Variants in MAPK10 observed in about 807,000 individuals in gnomAD.
MAPK10 encodes the protein JNK3 alpha protein kinase.
In MAPK10, 25 loss-of-function variants were observed where a neutral mutation model predicts 59.3. The observed-to-expected ratio is 0.42, with a 90% CI of 0.31 to 0.59. The LOEUF (loss-of-function observed/expected upper bound fraction) is 0.59, where lower values mean the gene tolerates loss of function less well. Among genes scored for constraint, MAPK10 ranks in the 20% least tolerant of loss-of-function variants. MAPK10 has a pLI of 0.15. For missense variants in MAPK10, 351 were observed against 568.9 expected, an observed-to-expected ratio of 0.62 and a Z score of 3.90; for synonymous variants, 190 against 200.5, an observed-to-expected ratio of 0.95 and a Z score of 0.44.
intron 4 of MAPK10, among the ~76,000 whole-genome samples, chr4:86,135,119 G>A (rs1051707262): frequency 2.0e-5 from 3 of 152,192 alleles, no homozygotes; most frequent in Admixed American, 6.5e-5. Flanking sequence ...AGGGGCGCCC[G>A]CCATTGCCCA....
At chr4:86,081,684 TTTA>T (rs1457048151) in intron 9 of MAPK10, 2 of 152,038 alleles carry the variant, frequency 1.3e-5, no homozygotes, top group Admixed American at 1.3e-4. Context: ...TGGTAACAAA[TTTA>T]AAAATAAATA....
Position 86,359,734 on chromosome 4 carries a change from C to T in MAPK10, c.-198G>A, listed in dbSNP as rs1486272745. On this transcript the variant is annotated 5_prime_UTR_variant, in exon 1 of 14. The change creates a premature stop within an existing upstream ORF in the 5' untranslated region. Coordinates refer to ENST00000641462, the MANE Select transcript of MAPK10 (RefSeq NM_138982.4). The stretch of plus-strand genomic sequence containing the variant: ...ATCCTCCCTACTTGTTTTTCATTAA[C>T]CACATTCCAGACTAACATGGAAGAG... 1 of 985,626 alleles carries T rather than the reference C, an allele frequency of 1.0e-6. No homozygotes were observed. The highest frequency in any genetic ancestry group is 1.7e-5 in the African/African-American group (1 of 57,184). 61.1% of individuals were successfully genotyped at this position (985,626 alleles called of 1,614,324 possible).
At chr4:86,402,031 C>G (rs942063371) in intron 1 of MAPK10, among the ~76,000 whole-genome samples, 1 of 152,150 alleles carries the variant, frequency 6.6e-6, no homozygotes, top group Non-Finnish European at 1.5e-5. Context: ...ATAGTAATTA[C>G]TTCCATATGA....
chr4:86,333,670 C>T (rs1006983716), intron 2 of MAPK10, among the ~76,000 whole-genome samples: 1 of 152,216 alleles, frequency 6.6e-6, no homozygotes, highest in African/African-American at 2.4e-5. Context: ...AGCCCACAAT[C>T]TCTGAAGCTA....
chr4:86,365,479 G>C (rs1200544471), intron 1 of MAPK10, among the ~76,000 whole-genome samples: 1 of 102,112 alleles, frequency 9.8e-6, no homozygotes. Context: ...TTCTCACCTT[G>C]TACTTGATTA....
intron 1 of MAPK10, among the ~76,000 whole-genome samples, chr4:86,516,877 C>A (rs1267777066): frequency 6.6e-6 from 1 of 152,178 alleles, no homozygotes; most frequent in East Asian, 1.9e-4. Flanking sequence ...GTTTGACTTT[C>A]TCTTTACCAG....
intron 2 of MAPK10, among the ~76,000 whole-genome samples, chr4:86,351,368 GTA>G (rs199684937): frequency 1.5e-4 from 22 of 142,566 alleles, no homozygotes; most frequent in African/African-American, 4.1e-4. Context: ...ATGTGTGTGT[GTA>G]TATATATATA....
chr4:86,269,081 A>T lies in MAPK10; in HGVS notation c.-6-74674T>A, dbSNP rs141099077. Among the ~76,000 whole-genome samples the T allele has an allele frequency of 5.8e-3, 880 of 152,252 alleles. 8 individuals carry two copies. Among genetic ancestry groups the T allele is most frequent in the African/African-American group, 0.02 (829 of 41,542 alleles). On this transcript the variant is annotated intron_variant, in intron 2 of 13. Coordinates refer to ENST00000641462, the MANE Select transcript of MAPK10 (RefSeq NM_138982.4). ...AAATGCACCTTTCTGGGCTCAAAAT[A>T]TTGAGGCTATATGAAGGTGAAAGTA... is the stretch of plus-strand genomic sequence containing the variant.
At chr4:86,469,326 T>C (rs567689979) in intron 1 of MAPK10, among the ~76,000 whole-genome samples, 1 of 152,182 alleles carries the variant, frequency 6.6e-6, no homozygotes, top group Non-Finnish European at 1.5e-5. Context: ...CAGAATCTAA[T>C]GAAGAATATC....
intron 1 of MAPK10, among the ~76,000 whole-genome samples, chr4:86,542,043 T>C (rs1250555166): frequency 2.0e-5 from 3 of 150,874 alleles, no homozygotes; most frequent in Non-Finnish European, 4.4e-5. Context: ...ATCTGGATAA[T>C]CAAGTTATAA....
chr4:86,223,628 G>A (rs937908356), intron 2 of MAPK10, among the ~76,000 whole-genome samples: 2 of 152,116 alleles, frequency 1.3e-5, no homozygotes, highest in African/African-American at 4.8e-5. Flanking sequence ...CCACCTGCAG[G>A]AGGCAGTAGC....
intron 2 of MAPK10, among the ~76,000 whole-genome samples, chr4:86,337,071 G>A (rs1346648571): frequency 6.6e-6 from 1 of 152,102 alleles, no homozygotes; most frequent in African/African-American, 2.4e-5. Flanking sequence ...TTACAGGCAT[G>A]AGCCACCACG....
upstream of MAPK10, among the ~76,000 whole-genome samples, chr4:86,363,359 C>T (rs1737300862): frequency 6.6e-6 from 1 of 152,038 alleles, no homozygotes; most frequent in Admixed American, 6.6e-5. Flanking sequence ...GGAACCAATC[C>T]CCCTGAGAGT....
At chr4:86,447,351 T>G (rs895991581) in intron 1 of MAPK10, among the ~76,000 whole-genome samples, 1 of 152,190 alleles carries the variant, frequency 6.6e-6, no homozygotes, top group African/African-American at 2.4e-5. Context: ...TCCTGAGGCC[T>G]CTGGAGCCAT....
intron 1 of MAPK10, among the ~76,000 whole-genome samples, chr4:86,444,123 T>C (rs1392511063): frequency 1.3e-5 from 2 of 149,546 alleles, no homozygotes; most frequent in Non-Finnish European, 3.0e-5. Context: ...ATAATGAAAA[T>C]ACCAGAATAA....
intron 2 of MAPK10, among the ~76,000 whole-genome samples, chr4:86,316,644 A>T (rs2095793433): frequency 6.6e-6 from 1 of 152,154 alleles, no homozygotes; most frequent in Non-Finnish European, 1.5e-5. Context: ...GATGAACAAT[A>T]ATTTATAAGG....
chr4:86,466,078 C>T (rs1304159860), intron 1 of MAPK10, among the ~76,000 whole-genome samples: 3 of 152,178 alleles, frequency 2.0e-5, no homozygotes, highest in Admixed American at 6.5e-5. Context: ...GATGTAATCA[C>T]TTTATGACAG....
At chr4:86,393,212 T>C (rs2149010686) in intron 1 of MAPK10, among the ~76,000 whole-genome samples, 1 of 152,304 alleles carries the variant, frequency 6.6e-6, no homozygotes, top group East Asian at 1.9e-4. Context: ...TAACTTCAAT[T>C]AGAAGGTTAA....
At chr4:86,191,908 C>A (rs1207544189) in intron 3 of MAPK10, 1 of 151,952 alleles carries the variant, frequency 6.6e-6, no homozygotes, top group Non-Finnish European at 1.5e-5. Flanking sequence ...GTGGCTGGTA[C>A]CAACTGTTCC....
Sources: allele counts gnomAD v4.1 joint callset (sites outside exome capture counted in the v4.1 genomes callset), GRCh38; gene constraint gnomAD v4.1.1; transcripts MANE v1.5; gene names NCBI Gene and HGNC (gene_info 2026-07-23, HGNC 2026-07-21).